Variants in MARCHF6 observed in about 807,000 individuals in gnomAD.
MARCHF6 encodes the protein membrane associated ring-CH-type finger 6.
A neutral mutation model predicts 133.7 loss-of-function variants in MARCHF6; 31 were observed. That is an observed-to-expected ratio of 0.23 (90% CI 0.17 to 0.31). The LOEUF is 0.31. MARCHF6 is among the 10% of genes least tolerant of loss of function. The pLI, the probability that MARCHF6 is intolerant of heterozygous loss-of-function variation, is 1.00. For missense variants in MARCHF6, 723 were observed against 1,121.6 expected, an observed-to-expected ratio of 0.64 and a Z score of 5.08; for synonymous variants, 395 against 402.5, an observed-to-expected ratio of 0.98 and a Z score of 0.22.
chr5:10,375,257 C>T (rs1000235625), intron 1 of MARCHF6, among the ~76,000 whole-genome samples: 68 of 152,212 alleles, frequency 4.5e-4, no homozygotes, highest in African/African-American at 1.6e-3. Flanking sequence ...TCGGAGCAGC[C>T]GGCCGGCCCT....
chr5:10,405,310 A>T (rs1004353993), intron 15 of MARCHF6, among the ~76,000 whole-genome samples: 2 of 151,968 alleles, frequency 1.3e-5, no homozygotes, highest in Non-Finnish European at 2.9e-5. Context: ...ATTGGACCCA[A>T]TGAATGTTTT....
At chr5:10,423,063 G>A (rs975102932) in intron 22 of MARCHF6, among the ~76,000 whole-genome samples, 21 of 151,772 alleles carry the variant, frequency 1.4e-4, no homozygotes, top group African/African-American at 4.8e-4. Flanking sequence ...TAGAGACCAG[G>A]TTATAAAGGG....
rs1394389394 is a variant in MARCHF6, at chr5:10,438,004, C to CA, written c.*4321dup. 2.0e-5 allele frequency: 3 copies of CA among 152,716 alleles called. No individual in the cohort carries two copies. The highest frequency in any genetic ancestry group is 7.2e-5 in the African/African-American group (3 of 41,448). 9.5% of individuals were successfully genotyped at this position (152,716 alleles called of 1,614,324 possible). ...CTGTGGCGACTCCCTTTTATGTATA[C>CA]ATTTAAATGCATAGTTGCAGAGGAC... On this transcript the variant is annotated 3_prime_UTR_variant, in exon 26 of 26. Coordinates refer to ENST00000274140, the MANE Select transcript of MARCHF6 (RefSeq NM_005885.4).
rs760831566 is a variant in MARCHF6, at chr5:10,415,650, T to G, written c.2129T>G (p.Val710Gly). The change falls in exon 21 of 26, where the codon GTT (valine) becomes GGT (glycine). Residue 710 changes from valine (V) to glycine (G), a missense_variant. Transcript: ENST00000274140. ...PQGRRVIFQK[V>G]KEWSLMIMKT... ...GGACGCAGAGTGATCTTCCAGAAGG[T>G]TAAAGAGTGGTCTCTCATGGTATGT... 6.2e-7 allele frequency: 1 copy of G among 1,614,104 alleles called. No homozygotes were observed. Among genetic ancestry groups the G allele is most frequent in the South Asian group, 1.1e-5 (1 of 91,090 alleles).
Position 10,353,727 on chromosome 5 carries a change from T to G in MARCHF6, c.-172T>G. The G allele has an allele frequency of 2.1e-5, 5 of 233,260 alleles. No homozygotes were observed. The highest frequency in any genetic ancestry group is 3.9e-4 in the East Asian group (2 of 5,078). 14.4% of individuals were successfully genotyped at this position (233,260 alleles called of 1,614,324 possible). ...CCCCTCCCCCTCCCGTGTCGCTCGC[T>G]TTCTGTCAGCCTCTCTCCCTCTCCC... On this transcript the variant is annotated 5_prime_UTR_variant, in exon 1 of 26. Transcript: ENST00000274140.
chr5:10,435,233 C>G lies in MARCHF6; in HGVS notation c.*1549C>G, dbSNP rs1208121207. The G allele has an allele frequency of 6.6e-6, 1 of 152,528 alleles. No homozygotes were observed. The highest frequency in any genetic ancestry group is 1.5e-5 in the Non-Finnish European group (1 of 68,020). 9.4% of individuals were successfully genotyped at this position (152,528 alleles called of 1,614,324 possible). On this transcript the variant is annotated 3_prime_UTR_variant, in exon 26 of 26. Coordinates refer to ENST00000274140, the MANE Select transcript of MARCHF6 (RefSeq NM_005885.4). ...AATGTGTTCTGGCTGTTTTATACTT[C>G]AACAATTTTTTCCCTAAGTGGTAAG...
At chr5:10,362,770 G>A (rs1735905843) in intron 1 of MARCHF6, among the ~76,000 whole-genome samples, 1 of 152,048 alleles carries the variant, frequency 6.6e-6, no homozygotes, top group Non-Finnish European at 1.5e-5. Context: ...CTTGACAAGT[G>A]GTAGTTTCTT....
rs569098323 is a variant in MARCHF6 at position 10,438,793 on chromosome 5, G to A, written c.*5109G>A. 1 of 152,332 alleles carries A rather than the reference G, an allele frequency of 6.6e-6. No homozygotes were observed. The highest frequency in any genetic ancestry group is 6.5e-5 in the Admixed American group (1 of 15,308). 9.4% of individuals were successfully genotyped at this position (152,332 alleles called of 1,614,324 possible). A position where few individuals can be genotyped will look rare whatever the true frequency, so the allele number is the denominator to read the frequency against. ...AACACAGAGAAAGGTTCACCCGGGAGAGATGGCCTAGCCACTTCCTTAGTG... is the reference window on the plus strand; with the variant it reads ...AACACAGAGAAAGGTTCACCCGGGAAAGATGGCCTAGCCACTTCCTTAGTG... On this transcript the variant is annotated 3_prime_UTR_variant, in exon 26 of 26. Transcript: ENST00000274140.
intron 4 of MARCHF6, among the ~76,000 whole-genome samples, chr5:10,382,521 C>T (rs1737213019): frequency 6.7e-6 from 1 of 148,862 alleles, no homozygotes; most frequent in African/African-American, 2.5e-5. Context: ...GATTCTGCAA[C>T]CCTCCTTTAA....
chr5:10,407,756 C>A (rs1396394421), intron 17 of MARCHF6, among the ~76,000 whole-genome samples: 1 of 152,110 alleles, frequency 6.6e-6, no homozygotes, highest in East Asian at 1.9e-4. Context: ...GAGTTTGAGA[C>A]CAGCGTGACC....
In MARCHF6 at chr5:10,436,809, CCT is replaced by C. The variant is rs1157733805; in HGVS notation, c.*3128_*3129del. The C allele has an allele frequency of 6.6e-6, 1 of 152,104 alleles. No homozygotes were observed. Among genetic ancestry groups the C allele is most frequent in the Admixed American group, 6.6e-5 (1 of 15,266 alleles). The allele number at this position is 152,104 out of a possible 1,614,324, so 9.4% of individuals were successfully genotyped here. ...CATGTTTTTAGGTGACTTTTTTCCCCCTCTTAGTACTCTGGAGAAACAATGAA... is the reference window on the plus strand; with the variant it reads ...CATGTTTTTAGGTGACTTTTTTCCCCCTTAGTACTCTGGAGAAACAATGAA... On this transcript the variant is annotated 3_prime_UTR_variant, in exon 26 of 26. Transcript: ENST00000274140.
intron 14 of MARCHF6, 63 bp downstream of exon 14, chr5:10,402,670 C>G: frequency 2.3e-6 from 3 of 1,302,430 alleles, no homozygotes; most frequent in Non-Finnish European, 3.3e-6. Flanking sequence ...AGGAAGTCTT[C>G]AGCATGTATT....
chr5:10,399,568 A>T (rs1018461654), intron 10 of MARCHF6, among the ~76,000 whole-genome samples: 8 of 150,342 alleles, frequency 5.3e-5, no homozygotes, highest in Non-Finnish European at 1.2e-4. Flanking sequence ...AAAGAAGACT[A>T]TAAAAATTCT....
intron 1 of MARCHF6, chr5:10,354,743 GC>G (rs1348505073): frequency 2.0e-5 from 3 of 152,108 alleles, no homozygotes; most frequent in Non-Finnish European, 4.4e-5. Context: ...ACTAAATTTT[GC>G]TTTTTTTGAT....
At position 10,437,646 on chromosome 5, in the gene MARCHF6, ACTAAT is replaced by A. The variant is rs901094987; in HGVS notation, c.*3967_*3971del. 2.0e-5 allele frequency: 3 copies of A among 152,356 alleles called. No homozygotes were observed. The highest frequency in any genetic ancestry group is 2.1e-4 in the South Asian group (1 of 4,826). 9.4% of individuals were successfully genotyped at this position (152,356 alleles called of 1,614,324 possible). On this transcript the variant is annotated 3_prime_UTR_variant, in exon 26 of 26. Transcript: ENST00000274140. ...TAGTACCTTAAATAAAAATGTAATG[ACTAAT>A]CTAAGGTCTAGGAATAACTATTGTA...
Position 10,429,952 on chromosome 5 carries a change from G to A in MARCHF6, c.2566G>A (p.Val856Ile). Reference sequence around the variant, plus strand: ...GCGGATTTATCCATTTTTACTGATGGTCGTGGTATTGATGGCAATTTTGTC... The same window carrying A: ...GCGGATTTATCCATTTTTACTGATGATCGTGGTATTGATGGCAATTTTGTC... ...HRRIYPFLLM[V>I]VVLMAILSFQ... The change falls in exon 25 of 26, where the codon GTC becomes ATC. Residue 856 changes from valine (V) to isoleucine (I), a missense_variant. Transcript: ENST00000274140. 1 of 1,613,726 alleles carries A rather than the reference G, an allele frequency of 6.2e-7. No homozygotes were observed. Among genetic ancestry groups the A allele is most frequent in the Non-Finnish European group, 8.5e-7 (1 of 1,179,666 alleles).
At chr5:10,406,995 GAC>G (rs1738938015) in intron 16 of MARCHF6, 105 bp from the exon 17 acceptor site, 1 of 532,838 alleles carries the variant, frequency 1.9e-6, no homozygotes, top group Non-Finnish European at 3.4e-6. Context: ...GCTTTGAGTA[GAC>G]ACAGGCCTGG....
In MARCHF6 at chr5:10,385,683, G is replaced by A. The variant is rs900742174; in HGVS notation, c.335-1311G>A. ...GTTATCATTCAAATGCATTAAATGG[G>A]ACAAAGCATTATATTTCATATTAAT... On this transcript the variant is annotated intron_variant, in intron 4 of 25. Coordinates refer to ENST00000274140, the MANE Select transcript of MARCHF6 (RefSeq NM_005885.4). 2.6e-5 allele frequency among the ~76,000 whole-genome samples: 4 copies of A among 152,134 alleles called. No homozygotes were observed. The East Asian group carries it at 7.7e-4, about 29-fold the overall frequency.
intron 22 of MARCHF6, among the ~76,000 whole-genome samples, chr5:10,417,628 G>A (rs1739581580): frequency 2.7e-5 from 4 of 150,284 alleles, no homozygotes; most frequent in African/African-American, 7.4e-5. Flanking sequence ...GGGAGGCAAA[G>A]GTGAGAGGAT....
Sources: allele counts gnomAD v4.1 joint callset (sites outside exome capture counted in the v4.1 genomes callset), GRCh38; gene constraint gnomAD v4.1.1; transcripts MANE v1.5; gene names NCBI Gene and HGNC (gene_info 2026-07-23, HGNC 2026-07-21).